Variants in PRKN observed in about 807,000 individuals in gnomAD.
The protein encoded by PRKN is parkin RBR E3 ubiquitin protein ligase.
A neutral mutation model predicts 59.5 loss-of-function variants in PRKN; 56 were observed. The ratio of observed to expected loss-of-function variants is 0.94; its 90% CI spans 0.76 to 1.18. The LOEUF is 1.18. Among genes scored for constraint, PRKN ranks in the 50% most tolerant of loss-of-function variants. PRKN has a pLI of 0.00. For missense variants in PRKN, 657 were observed against 596.4 expected (o/e 1.10, Z -1.06); for synonymous variants, 250 against 222.1 (o/e 1.13, Z -1.12).
chr6:161,829,274 T>C (rs1028718133), intron 6 of PRKN, among the ~76,000 whole-genome samples: 5 of 152,062 alleles, frequency 3.3e-5, no homozygotes, highest in African/African-American at 1.2e-4. Context: ...AACAGCAGCA[T>C]AGTAAGAAGC....
At position 161,593,660 on chromosome 6, in the gene PRKN, A is replaced by C. The variant is rs1239937981; in HGVS notation, c.872-24244T>G. On this transcript the variant is annotated intron_variant, in intron 7 of 11. Transcript: ENST00000366898. This position sits in a 1 kb window ranked among gnomAD's most constrained non-coding sequence, Gnocchi z 4.8. ...ACTTTTATCCTGAGGAACCGGCTGG[A>C]CAGTGGTGCCTTCTACTGAGAGTAG... 1.3e-5 allele frequency among the ~76,000 whole-genome samples: 2 copies of C among 152,206 alleles called. No individual in the cohort carries two copies. The highest frequency in any genetic ancestry group is 2.9e-5 in the Non-Finnish European group (2 of 68,040).
intron 7 of PRKN, among the ~76,000 whole-genome samples, chr6:161,724,696 T>C (rs1303855532): frequency 6.6e-6 from 1 of 152,244 alleles, no homozygotes; most frequent in Non-Finnish European, 1.5e-5. Context: ...AACACATTTT[T>C]ATAATTCTGG....
At chr6:162,223,612 G>A (rs566137278) in intron 3 of PRKN, among the ~76,000 whole-genome samples, 1 of 129,248 alleles carries the variant, frequency 7.7e-6, no homozygotes, top group Non-Finnish European at 1.6e-5. Context: ...ATAGACACGT[G>A]ACACACACAC....
At chr6:162,720,652 T>G (rs1250192826) in intron 1 of PRKN, among the ~76,000 whole-genome samples, 1 of 151,228 alleles carries the variant, frequency 6.6e-6, no homozygotes, top group Admixed American at 6.6e-5. Context: ...GGGTTTCACC[T>G]TGTTAGCCAG....
chr6:162,725,919 C>T (rs529709986), intron 1 of PRKN, among the ~76,000 whole-genome samples: 3 of 152,168 alleles, frequency 2.0e-5, no homozygotes, highest in Admixed American at 6.5e-5. Flanking sequence ...TGTTGTACTG[C>T]ACACTTATTT....
intron 2 of PRKN, among the ~76,000 whole-genome samples, chr6:162,399,956 G>C (rs569689830): frequency 6.6e-5 from 10 of 152,204 alleles, no homozygotes; most frequent in African/African-American, 1.7e-4. Flanking sequence ...TTGTAATTGC[G>C]GCACTTTGGG....
intron 6 of PRKN, among the ~76,000 whole-genome samples, chr6:161,902,399 C>A (rs1420054733): frequency 2.0e-5 from 3 of 151,984 alleles, no homozygotes; most frequent in Admixed American, 6.6e-5. Context: ...AGAAGTCTAA[C>A]CTAAATGGGT....
chr6:161,869,938 T>G (rs1345740178), intron 6 of PRKN, among the ~76,000 whole-genome samples: 1 of 152,210 alleles, frequency 6.6e-6, no homozygotes, highest in Non-Finnish European at 1.5e-5. Flanking sequence ...TGGGTTGATT[T>G]CAGAAGATTT....
At position 161,785,766 on chromosome 6, in the gene PRKN, A is replaced by T. The variant is rs1250171018; in HGVS notation, c.871+6T>A. 1 of 1,613,610 alleles carries T rather than the reference A, an allele frequency of 6.2e-7. No homozygotes were observed. Among genetic ancestry groups the T allele is most frequent in the Non-Finnish European group, 8.5e-7 (1 of 1,179,774 alleles). ...TAGAGATGGAGAGAAAACATGCTAG[A>T]CTTACCCACACAAGGCAGGGAGTAG... On this transcript the variant is annotated splice_donor_region_variant and intron_variant, in intron 7 of 11. Transcript: ENST00000366898.
chr6:162,359,095 T>TATAC lies in PRKN; in HGVS notation c.171+84214_171+84215insGTAT, dbSNP rs1477670064. Among the ~76,000 whole-genome samples the TATAC allele has an allele frequency of 8.6e-4, 122 of 141,960 alleles. 3 individuals carry two copies. The East Asian group carries it at 9.1e-3, about 11-fold the overall frequency. 93.1% of individuals were successfully genotyped at this position (141,960 alleles called of 152,430 possible). ...AAAAAAAAAAATATATATATATATA[T>TATAC]ATGAAATCACTTTCTTCACATATCT... On this transcript the variant is annotated intron_variant, in intron 2 of 11. Coordinates refer to ENST00000366898, the MANE Select transcript of PRKN (RefSeq NM_004562.3).
chr6:161,411,280 G>C (rs1225923708), intron 9 of PRKN, among the ~76,000 whole-genome samples: 1 of 152,120 alleles, frequency 6.6e-6, no homozygotes, highest in Non-Finnish European at 1.5e-5. Context: ...TCCCCATACT[G>C]TCCTTGTGGT....
chr6:161,567,898 T>C (rs1780715871), intron 8 of PRKN, among the ~76,000 whole-genome samples: 1 of 152,228 alleles, frequency 6.6e-6, no homozygotes, highest in African/African-American at 2.4e-5. Context: ...GTCTTTAGGC[T>C]TTCACTGGGA....
Position 161,458,408 on chromosome 6 carries a change from T to C in PRKN, c.1084-71531A>G, listed in dbSNP as rs1422236355. Among the ~76,000 whole-genome samples, 1 of 152,202 alleles carries C rather than the reference T, an allele frequency of 6.6e-6. No homozygotes were observed. Among genetic ancestry groups the C allele is most frequent in the Non-Finnish European group, 1.5e-5 (1 of 68,032 alleles). On this transcript the variant is annotated intron_variant, in intron 9 of 11. Coordinates refer to ENST00000366898, the MANE Select transcript of PRKN (RefSeq NM_004562.3). The surrounding 1 kb of genome is among the most constrained non-coding windows in gnomAD (Gnocchi z 6.1). ...GCTGATGCAAACCTGGAAGCCGTTATCACAGCTCCCTGGCCCTCGCCGCGG... is the reference window on the plus strand; with the variant it reads ...GCTGATGCAAACCTGGAAGCCGTTACCACAGCTCCCTGGCCCTCGCCGCGG...
At chr6:161,558,044 A>C (rs1403380446) in intron 8 of PRKN, among the ~76,000 whole-genome samples, 1 of 152,112 alleles carries the variant, frequency 6.6e-6, no homozygotes, top group Non-Finnish European at 1.5e-5. Context: ...TCACTGAGCT[A>C]CTGCAGTGAA....
At chr6:162,396,543 G>A (rs73033871) in intron 2 of PRKN, among the ~76,000 whole-genome samples, 9,764 of 152,128 alleles carry the variant, frequency 0.064, 687 homozygotes, top group East Asian at 0.38. Context: ...CTTGTCTGTC[G>A]CGTTCACTGT....
chr6:161,451,543 C>T lies in PRKN; in HGVS notation c.1084-64666G>A, dbSNP rs754817977. Among the ~76,000 whole-genome samples the T allele has an allele frequency of 5.9e-5, 9 of 152,240 alleles. No homozygotes were observed. Among genetic ancestry groups the T allele is most frequent in the Non-Finnish European group, 1.0e-4 (7 of 68,044 alleles). On this transcript the variant is annotated intron_variant, in intron 9 of 11. Transcript: ENST00000366898. The surrounding 1 kb of genome is among the most constrained non-coding windows in gnomAD (Gnocchi z 5.9). The stretch of plus-strand genomic sequence containing the variant: ...GGGAACCTGCTGCCCACAGCCTCTG[C>T]TCCCAGAGGGACCTACCCAGTCCCA...
intron 1 of PRKN, among the ~76,000 whole-genome samples, chr6:162,570,690 C>T (rs1022697929): frequency 2.0e-5 from 3 of 152,072 alleles, no homozygotes; most frequent in Admixed American, 2.0e-4. Context: ...GAATTGGAAA[C>T]TATTAAATAA....
intron 7 of PRKN, among the ~76,000 whole-genome samples, chr6:161,647,407 C>G (rs1024519598): frequency 6.6e-6 from 1 of 152,186 alleles, no homozygotes; most frequent in African/African-American, 2.4e-5. Context: ...GCTAAGGTCT[C>G]TGAGCAGCCA....
chr6:161,501,089 A>T (rs1777946236), intron 9 of PRKN, among the ~76,000 whole-genome samples: 1 of 151,944 alleles, frequency 6.6e-6, no homozygotes, highest in South Asian at 2.1e-4. Flanking sequence ...TTGCCAGGCT[A>T]GTCTCGAACT....
Sources: allele counts gnomAD v4.1 joint callset (sites outside exome capture counted in the v4.1 genomes callset), GRCh38; gene constraint gnomAD v4.1.1; non-coding constraint Gnocchi (gnomAD v3.1); transcripts MANE v1.5; gene names NCBI Gene and HGNC (gene_info 2026-07-23, HGNC 2026-07-21).